LMO3: variants seen among roughly 807,000 people sequenced by gnomAD.
LMO3 encodes the protein LIM domain only protein 3.
LMO3 carries 2 observed loss-of-function variants against 15.8 expected under a neutral mutation model. The observed-to-expected ratio is 0.13, with a 90% confidence interval of 0.05 to 0.40. LMO3 has a LOEUF of 0.40. Ranked by LOEUF, LMO3 falls within the 10% of genes least tolerant of loss-of-function variation. The pLI, the probability that LMO3 is intolerant of heterozygous loss-of-function variation, is 0.99. For synonymous variants in LMO3, 62 were observed against 63.8 expected, an observed-to-expected ratio of 0.97 and a Z score of 0.13; for missense variants, 86 against 182.2, an observed-to-expected ratio of 0.47 and a Z score of 3.04.
chr12:16,594,806 T>A (rs1943598517), intron 2 of LMO3, among the ~76,000 whole-genome samples: 1 of 151,608 alleles, frequency 6.6e-6, no homozygotes, highest in African/African-American at 2.4e-5. Context: ...TTTCAGCATA[T>A]TTTAAAAATG....
chr12:16,604,781 A>T lies in LMO3; in HGVS notation c.-9+1285T>A. On this transcript the variant is annotated intron_variant, in intron 1 of 3. Transcript: ENST00000537304. The surrounding 1 kb of genome is among the most constrained non-coding windows in gnomAD (Gnocchi z 5.3). ...TTCGGTTCTTTCAGAAAGACACAAA[A>T]GCAGCGGAAAAGCAGAAAGGCTTTT... 1.4e-6 allele frequency: 2 copies of T among 1,428,724 alleles called. No homozygotes were observed. The highest frequency in any genetic ancestry group is 9.7e-7 in the Non-Finnish European group (1 of 1,028,782). The allele number at this position is 1,428,724 out of a possible 1,614,324, so 88.5% of individuals were successfully genotyped here. A position where few individuals can be genotyped will look rare whatever the true frequency, so the allele number is the denominator to read the frequency against.
Position 16,603,703 on chromosome 12 carries a change from T to C in LMO3, c.-9+2363A>G, listed in dbSNP as rs902063016. On this transcript the variant is annotated intron_variant, in intron 1 of 3. Transcript: ENST00000537304. The surrounding 1 kb of genome is among the most constrained non-coding windows in gnomAD (Gnocchi z 4.9). ...AAACTCTGGTGAGCTTTTAATTGCC[T>C]GGATTGCATTGTGAAGCGGCCTAAC... 6.6e-6 allele frequency among the ~76,000 whole-genome samples: 1 copy of C among 152,234 alleles called. No homozygotes were observed. The highest frequency in any genetic ancestry group is 1.5e-5 in the Non-Finnish European group (1 of 68,046).
At chr12:16,551,392 A>G in intron 3 of LMO3, 65 bp from the exon 4 acceptor site, 2 of 990,728 alleles carry the variant, frequency 2.0e-6, no homozygotes, top group Non-Finnish European at 3.2e-6. Flanking sequence ...AAATTTGAAG[A>G]TTTATTTTCC....
chr12:16,549,107 A>G lies in LMO3; in HGVS notation c.*2115T>C, dbSNP rs1025374253. On this transcript the variant is annotated 3_prime_UTR_variant, in exon 4 of 4. Coordinates refer to ENST00000537304, the MANE Select transcript of LMO3 (RefSeq NM_018640.5). ...ACAATTATAATTTTACATCCATGTGAATTTCAAGCAATTGTTAATGGGGAC... is the reference window on the plus strand; with the variant it reads ...ACAATTATAATTTTACATCCATGTGGATTTCAAGCAATTGTTAATGGGGAC... 9.9e-5 allele frequency: 15 copies of G among 152,274 alleles called. No homozygotes were observed. The highest frequency in any genetic ancestry group is 3.1e-4 in the African/African-American group (13 of 41,558). The allele number at this position is 152,274 out of a possible 1,614,324, so 9.4% of individuals were successfully genotyped here.
chr12:16,563,526 A>G (rs1240764002), intron 2 of LMO3, among the ~76,000 whole-genome samples: 1 of 152,164 alleles, frequency 6.6e-6, no homozygotes, highest in Non-Finnish European at 1.5e-5. Context: ...GGAAATATTT[A>G]AAAACAGTCT....
intron 2 of LMO3, chr12:16,594,120 C>T (rs1180390661): frequency 2.0e-6 from 3 of 1,531,358 alleles, no homozygotes; most frequent in Admixed American, 2.0e-5. Flanking sequence ...TTGAATTTTA[C>T]AAGTTTTAAA....
chr12:16,560,297 A>T lies in LMO3; in HGVS notation c.332+116T>A. The T allele has an allele frequency of 8.4e-7, 1 of 1,193,050 alleles. No individual in the cohort carries two copies. The highest frequency in any genetic ancestry group is 1.8e-5 in the South Asian group (1 of 56,680). 73.9% of individuals were successfully genotyped at this position (1,193,050 alleles called of 1,614,324 possible). A position where few individuals can be genotyped will look rare whatever the true frequency, so the allele number is the denominator to read the frequency against. On this transcript the variant is annotated intron_variant, in intron 3 of 3. Coordinates refer to ENST00000537304, the MANE Select transcript of LMO3 (RefSeq NM_018640.5). The surrounding 1 kb of genome is among the most constrained non-coding windows in gnomAD (Gnocchi z 5.0). ...GGCATGGGATTAAAGTTTACAGAAC[A>T]GAAAAACGCTGAGATTGATTGCTTT...
At chr12:16,579,566 A>G (rs1943096482) in intron 2 of LMO3, among the ~76,000 whole-genome samples, 2 of 152,222 alleles carry the variant, frequency 1.3e-5, no homozygotes, top group African/African-American at 4.8e-5. Flanking sequence ...AAAAGATTTT[A>G]GAATCTTAGC....
At chr12:16,578,113 A>G (rs1943050052) in intron 2 of LMO3, among the ~76,000 whole-genome samples, 1 of 152,160 alleles carries the variant, frequency 6.6e-6, no homozygotes, top group South Asian at 2.1e-4. Context: ...ATCGCCTCCC[A>G]GAAGTCTTGC....
intron 2 of LMO3, 69 bp downstream of exon 2, chr12:16,600,585 CA>C: frequency 1.5e-6 from 2 of 1,373,398 alleles, no homozygotes; most frequent in Non-Finnish European, 2.0e-6. Context: ...AACAAGCAAA[CA>C]AAAAATACAC....
intron 2 of LMO3, among the ~76,000 whole-genome samples, chr12:16,575,643 C>T (rs976588185): frequency 6.6e-6 from 1 of 152,038 alleles, no homozygotes; most frequent in African/African-American, 2.4e-5. Context: ...GTAATACACC[C>T]AGCGTCACAT....
intron 2 of LMO3, among the ~76,000 whole-genome samples, chr12:16,571,730 G>C (rs916711330): frequency 1.3e-5 from 2 of 151,926 alleles, no homozygotes; most frequent in African/African-American, 4.8e-5. Flanking sequence ...ACCCTTTCAA[G>C]ATATTTATGT....
rs372126400 is a variant in LMO3, at chr12:16,551,182, A to G, written c.*40T>C. On this transcript the variant is annotated 3_prime_UTR_variant, in exon 4 of 4. Coordinates refer to ENST00000537304, the MANE Select transcript of LMO3 (RefSeq NM_018640.5). Reference sequence around the variant, plus strand: ...CATGTGGAGCAAAAAAGATAAAAGAATGTAGTGCTTTGTATTCTTAATGGG... The same window carrying G: ...CATGTGGAGCAAAAAAGATAAAAGAGTGTAGTGCTTTGTATTCTTAATGGG... 128 of 1,245,314 alleles carry G rather than the reference A, an allele frequency of 1.0e-4. 1 individual carries two copies. The highest frequency in any genetic ancestry group is 1.5e-4 in the Non-Finnish European group (125 of 844,342). 77.1% of individuals were successfully genotyped at this position (1,245,314 alleles called of 1,614,324 possible). A position where few individuals can be genotyped will look rare whatever the true frequency, so the allele number is the denominator to read the frequency against.
At chr12:16,554,141 TTC>T (rs1235749881) in intron 3 of LMO3, among the ~76,000 whole-genome samples, 16 of 152,208 alleles carry the variant, frequency 1.1e-4, no homozygotes, top group Admixed American at 7.9e-4. Context: ...TTTAGCTGAC[TTC>T]ATATAGTCTT....
At chr12:16,605,685 C>T in intron 1 of LMO3, 1 of 1,325,110 alleles carries the variant, frequency 7.5e-7, no homozygotes, top group Non-Finnish European at 1.0e-6. Flanking sequence ...CAAACTCTCC[C>T]TGCCCCTCTC....
At chr12:16,578,822 AACAAC>A (rs1565497688) in intron 2 of LMO3, among the ~76,000 whole-genome samples, 29 of 79,866 alleles carry the variant, frequency 3.6e-4, no homozygotes, top group African/African-American at 1.1e-3. Flanking sequence ...TGTCTCAAAC[AACAAC>A]AACAACAACA....
intron 2 of LMO3, 34 bp downstream of exon 2, chr12:16,600,621 C>A: frequency 1.3e-6 from 2 of 1,560,876 alleles, no homozygotes; most frequent in African/African-American, 1.4e-5. Flanking sequence ...TAAAAGGCAT[C>A]CAGTCATCAC....
intron 2 of LMO3, among the ~76,000 whole-genome samples, chr12:16,566,187 TA>T (rs1270461581): frequency 1.3e-5 from 2 of 150,174 alleles, no homozygotes; most frequent in Non-Finnish European, 3.0e-5. Flanking sequence ...GAAGCTAAAA[TA>T]AAAAGTCGAC....
chr12:16,602,234 G>T (rs1461342517), intron 1 of LMO3: 2 of 152,158 alleles, frequency 1.3e-5, no homozygotes, highest in African/African-American at 4.8e-5. Context: ...CTGCACTTTT[G>T]TACATTTTCC....
Sources: gnomAD v4.1 joint callset for allele counts (sites outside exome capture counted in the v4.1 genomes callset) on GRCh38, gnomAD v4.1.1 for gene constraint, Gnocchi (gnomAD v3.1) non-coding constraint, MANE v1.5 for transcripts, NCBI Gene and HGNC (gene_info 2026-07-23, HGNC 2026-07-21) for gene names.